CYP7B1: variants seen among roughly 807,000 people sequenced by gnomAD.
CYP7B1 encodes the protein cytochrome P450 family 7 subfamily B member 1, also known as cytochrome P450 7B1.
CYP7B1 carries 29 observed loss-of-function variants against 42.7 expected under a neutral mutation model. The ratio of observed to expected loss-of-function variants is 0.68; its 90% CI spans 0.51 to 0.93. The LOEUF (loss-of-function observed/expected upper bound fraction) is 0.93. CYP7B1 is among the 40% of genes least tolerant of loss of function. The probability of loss-of-function intolerance (pLI) is 0.00; values close to 1 mark genes in which losing one functional copy is unlikely to be tolerated. For synonymous variants in CYP7B1, 235 were observed against 218.2 expected (o/e 1.08, Z -0.68); for missense variants, 655 against 600.5 (o/e 1.09, Z -0.95).
chr8:64,620,829 T>C (rs920020648), intron 2 of CYP7B1, among the ~76,000 whole-genome samples: 1 of 152,198 alleles, frequency 6.6e-6, no homozygotes, highest in African/African-American at 2.4e-5. Flanking sequence ...ATAACCATGG[T>C]CAAATTATTC....
At chr8:64,693,827 T>C (rs1192230011) in intron 1 of CYP7B1, among the ~76,000 whole-genome samples, 1 of 152,210 alleles carries the variant, frequency 6.6e-6, no homozygotes, top group East Asian at 1.9e-4. Context: ...GTTAACTTGA[T>C]CTTCCTAGCA....
intron 1 of CYP7B1, among the ~76,000 whole-genome samples, chr8:64,716,499 G>A (rs1028517290): frequency 2.6e-5 from 4 of 152,234 alleles, no homozygotes; most frequent in Admixed American, 1.3e-4. Context: ...CTGAGGTCAA[G>A]AGGTCGAGAC....
At chr8:64,795,298 A>G (rs1454667370) in intron 1 of CYP7B1, among the ~76,000 whole-genome samples, 2 of 152,246 alleles carry the variant, frequency 1.3e-5, no homozygotes, top group Non-Finnish European at 2.9e-5. Flanking sequence ...TCGGGTAGGA[A>G]CTGACTAGAA....
intron 4 of CYP7B1, among the ~76,000 whole-genome samples, chr8:64,613,452 A>G (rs1805390611): frequency 6.6e-6 from 1 of 152,176 alleles, no homozygotes; most frequent in Non-Finnish European, 1.5e-5. Context: ...ATACAAACAC[A>G]TATTCCTTTT....
intron 1 of CYP7B1, among the ~76,000 whole-genome samples, chr8:64,778,174 AATATATATATATAT>A (rs60859854): frequency 1.5e-5 from 2 of 133,248 alleles, no homozygotes; most frequent in Non-Finnish European, 3.2e-5. Flanking sequence ...ACTAGTTTGA[AATATATATATATAT>A]ATATATATAT....
At position 64,644,047 on chromosome 8, in the gene CYP7B1, G is replaced by T. The variant is rs541546432; in HGVS notation, c.123-19508C>A. 1.4e-3 allele frequency among the ~76,000 whole-genome samples: 209 copies of T among 152,264 alleles called. 1 individual carries two copies. The highest frequency in any genetic ancestry group is 4.8e-3 in the African/African-American group (198 of 41,554). The stretch of plus-strand genomic sequence containing the variant: ...CTCAGCACTTTGGGAGACTGAGGCA[G>T]GTGGATCACGAGGTCAGGAGTTCAA... On this transcript the variant is annotated intron_variant, in intron 1 of 5. Coordinates refer to ENST00000310193, the MANE Select transcript of CYP7B1 (RefSeq NM_004820.5).
intron 1 of CYP7B1, among the ~76,000 whole-genome samples, chr8:64,761,287 T>C (rs1224761759): frequency 6.6e-6 from 1 of 152,132 alleles, no homozygotes. Flanking sequence ...CTAAAATTAA[T>C]AATAATATAT....
At chr8:64,678,111 T>G (rs934694907) in intron 1 of CYP7B1, among the ~76,000 whole-genome samples, 2 of 152,158 alleles carry the variant, frequency 1.3e-5, no homozygotes, top group South Asian at 4.1e-4. Flanking sequence ...TTGCTTTTAT[T>G]GTCCATTTCA....
At position 64,616,123 on chromosome 8, in the gene CYP7B1, G is replaced by A. The variant is rs1178071886; in HGVS notation, c.418C>T (p.Leu140Phe). ...TTGCCTTGCAAAAATTGATAGCAGA[G>A]GTGAAGCTCATCATTCATGTCATGA... is the stretch of plus-strand genomic sequence containing the variant. The part of the protein sequence containing the change: ...KNHDMNDELH[L>F]CYQFLQGKSL... Residue 140 changes from leucine (L) to phenylalanine (F), a missense_variant, in exon 3 of 6, where the codon CTC (leucine) becomes TTC (phenylalanine). Transcript: ENST00000310193. The A allele has an allele frequency of 1.2e-6, 2 of 1,613,640 alleles. No homozygotes were observed. Among genetic ancestry groups the A allele is most frequent in the East Asian group, 2.2e-5 (1 of 44,846 alleles).
At chr8:64,733,261 T>A (rs1379457018) in intron 1 of CYP7B1, among the ~76,000 whole-genome samples, 1 of 152,146 alleles carries the variant, frequency 6.6e-6, no homozygotes, top group Non-Finnish European at 1.5e-5. Context: ...TGGGTCCCCC[T>A]ACTATATTGA....
chr8:64,722,269 C>T (rs928859237), intron 1 of CYP7B1, among the ~76,000 whole-genome samples: 2 of 152,170 alleles, frequency 1.3e-5, no homozygotes, highest in African/African-American at 4.8e-5. Context: ...AACAGAGCAG[C>T]CTAAGCTGTC....
At chr8:64,708,465 G>A (rs183015527) in intron 1 of CYP7B1, among the ~76,000 whole-genome samples, 1 of 152,194 alleles carries the variant, frequency 6.6e-6, no homozygotes, top group Admixed American at 6.5e-5. Flanking sequence ...AGTCATCCAA[G>A]AACATCCACA....
chr8:64,642,230 T>G (rs1805867558), intron 1 of CYP7B1, among the ~76,000 whole-genome samples: 1 of 152,172 alleles, frequency 6.6e-6, no homozygotes, highest in South Asian at 2.1e-4. Flanking sequence ...CCTTACTATG[T>G]GTATTGTACT....
chr8:64,764,189 A>G (rs1315511431), intron 1 of CYP7B1, among the ~76,000 whole-genome samples: 1 of 151,952 alleles, frequency 6.6e-6, no homozygotes, highest in East Asian at 1.9e-4. Flanking sequence ...CCATTGTGTA[A>G]GATGCTCTCC....
chr8:64,663,664 CTT>C (rs1563381679), intron 1 of CYP7B1, among the ~76,000 whole-genome samples: 1 of 152,204 alleles, frequency 6.6e-6, no homozygotes, highest in Non-Finnish European at 1.5e-5. Flanking sequence ...TGGGTTCTCT[CTT>C]TCTGTCTCAC....
rs1806380985 is a variant in CYP7B1 at position 64,672,463 on chromosome 8, C to A, written c.123-47924G>T. On this transcript the variant is annotated intron_variant, in intron 1 of 5. Coordinates refer to ENST00000310193, the MANE Select transcript of CYP7B1 (RefSeq NM_004820.5). ...TCCCTCTCCTCCTTCAAAGCAAAAA[C>A]ACACCCTACTCTAAACCTACCAGAC... is the stretch of plus-strand genomic sequence containing the variant. 1.3e-5 allele frequency among the ~76,000 whole-genome samples: 2 copies of A among 152,134 alleles called. 1 individual carries two copies. Among genetic ancestry groups the A allele is most frequent in the Non-Finnish European group, 2.9e-5 (2 of 68,014 alleles).
chr8:64,610,374 C>A (rs1291384112), intron 4 of CYP7B1, among the ~76,000 whole-genome samples: 1 of 152,160 alleles, frequency 6.6e-6, no homozygotes, highest in East Asian at 1.9e-4. Flanking sequence ...TTAGAAGTTC[C>A]TAAATAAAGT....
intron 1 of CYP7B1, among the ~76,000 whole-genome samples, chr8:64,685,198 G>A (rs1806602789): frequency 1.3e-5 from 2 of 151,386 alleles, no homozygotes. Context: ...TGGAGGAGCG[G>A]ACGGGCCCCG....
intron 1 of CYP7B1, among the ~76,000 whole-genome samples, chr8:64,682,710 TGTCCAG>T (rs1354650855): frequency 3.3e-5 from 5 of 152,302 alleles, no homozygotes; most frequent in Admixed American, 3.3e-4. Context: ...TAGAGCGTGC[TGTCCAG>T]GCTAGTTGCA....
Sources: allele counts gnomAD v4.1 joint callset (sites outside exome capture counted in the v4.1 genomes callset), GRCh38; gene constraint gnomAD v4.1.1; transcripts MANE v1.5; gene names NCBI Gene and HGNC (gene_info 2026-07-23, HGNC 2026-07-21).